The following DLGAP1 variants were observed in gnomAD, a reference collection of about 807,000 sequenced individuals.
DLGAP1 encodes the protein DLG associated protein 1.
In DLGAP1, 11 loss-of-function variants were observed where a neutral mutation model predicts 90.8. That is an observed-to-expected ratio of 0.12 (90% confidence interval 0.08 to 0.20). The LOEUF is 0.20. DLGAP1 is among the 10% of genes least tolerant of loss of function. DLGAP1 has a pLI of 1.00. For synonymous variants in DLGAP1, 558 were observed against 540.7 expected (o/e 1.03, Z -0.44); for missense variants, 1,050 against 1,333.8 (o/e 0.79, Z 3.31).
At chr18:3,677,663 T>C (rs1490103373) in intron 7 of DLGAP1, among the ~76,000 whole-genome samples, 1 of 152,222 alleles carries the variant, frequency 6.6e-6, no homozygotes, top group Admixed American at 6.5e-5. Context: ...TTTTCTTTTT[T>C]CTTTTTTTTA....
At chr18:4,261,250 T>C (rs2078996787) in intron 1 of DLGAP1, among the ~76,000 whole-genome samples, 3 of 152,150 alleles carry the variant, frequency 2.0e-5, no homozygotes, top group Admixed American at 2.0e-4. Flanking sequence ...GCCGTCCAAG[T>C]CGGACTCTAT....
At chr18:4,289,736 A>C (rs2079799588) in intron 1 of DLGAP1, among the ~76,000 whole-genome samples, 1 of 152,182 alleles carries the variant, frequency 6.6e-6, no homozygotes, top group Non-Finnish European at 1.5e-5. Flanking sequence ...TAAATTTTAA[A>C]TTTTTAAGGT....
At chr18:4,393,361 T>G (rs546320224) in intron 1 of DLGAP1, among the ~76,000 whole-genome samples, 1 of 152,236 alleles carries the variant, frequency 6.6e-6, no homozygotes, top group African/African-American at 2.4e-5. Flanking sequence ...GTTTCCCCAT[T>G]TGGTGAACAT....
chr18:3,882,345 G>T (rs2071194586), intron 3 of DLGAP1, among the ~76,000 whole-genome samples: 3 of 151,384 alleles, frequency 2.0e-5, no homozygotes, highest in Admixed American at 2.0e-4. Context: ...GAGACAAGCT[G>T]GGAAACATAG....
intron 4 of DLGAP1, among the ~76,000 whole-genome samples, chr18:3,816,289 G>A (rs2067103697): frequency 6.6e-6 from 1 of 152,164 alleles, no homozygotes; most frequent in African/African-American, 2.4e-5. Context: ...TATGATTTAT[G>A]TCACTTTGAA....
intron 1 of DLGAP1, among the ~76,000 whole-genome samples, chr18:4,217,542 T>C (rs540662496): frequency 1.3e-5 from 2 of 152,170 alleles, no homozygotes; most frequent in Admixed American, 6.6e-5. Flanking sequence ...TGCAGTTCTT[T>C]AATGACAGAT....
At chr18:3,605,887 C>T (rs536274991) in intron 7 of DLGAP1, among the ~76,000 whole-genome samples, 3 of 152,146 alleles carry the variant, frequency 2.0e-5, no homozygotes, top group East Asian at 1.9e-4. Flanking sequence ...AAAAGTTTAC[C>T]GAGGACACTG....
chr18:3,784,485 G>A (rs577385365), intron 5 of DLGAP1, among the ~76,000 whole-genome samples: 2 of 152,134 alleles, frequency 1.3e-5, no homozygotes, highest in Admixed American at 6.5e-5. Flanking sequence ...AAGAATCCTG[G>A]AGAATCTATT....
At chr18:4,408,772 G>A (rs1224744497) in intron 1 of DLGAP1, among the ~76,000 whole-genome samples, 2 of 152,094 alleles carry the variant, frequency 1.3e-5, no homozygotes, top group African/African-American at 4.8e-5. Context: ...ATTGGCAAAG[G>A]TGATTCATTG....
At chr18:3,696,891 T>G (rs565575795) in intron 7 of DLGAP1, among the ~76,000 whole-genome samples, 1 of 152,356 alleles carries the variant, frequency 6.6e-6, no homozygotes, top group South Asian at 2.1e-4. Context: ...ATTGGTCTAT[T>G]CAGGGATTCG....
At chr18:3,808,814 T>C (rs566967655) in intron 5 of DLGAP1, among the ~76,000 whole-genome samples, 1 of 152,050 alleles carries the variant, frequency 6.6e-6, no homozygotes, top group Admixed American at 6.6e-5. Context: ...AAAAAACGTA[T>C]ACAAGATAAA....
chr18:3,999,128 T>C (rs532127782), intron 3 of DLGAP1, among the ~76,000 whole-genome samples: 235 of 152,312 alleles, frequency 1.5e-3, no homozygotes, highest in Middle Eastern at 3.4e-3. Context: ...ATTTTATTTT[T>C]AAATGCTGTG....
In DLGAP1 at chr18:3,508,681, G is replaced by A. The variant is rs187873892; in HGVS notation, c.2480-20C>T. Reference sequence around the variant, plus strand: ...CTAGAACTGGAAAGAGCAAACATACGAGAAATTTACACATCATGCTTCATT... The same window carrying A: ...CTAGAACTGGAAAGAGCAAACATACAAGAAATTTACACATCATGCTTCATT... On this transcript the variant is annotated intron_variant, in intron 10 of 12. Transcript: ENST00000315677. 1,053 of 1,590,342 alleles carry A rather than the reference G, an allele frequency of 6.6e-4. 1 individual carries two copies. Among genetic ancestry groups the A allele is most frequent in the Non-Finnish European group, 8.1e-4 (935 of 1,159,950 alleles).
At chr18:3,941,045 C>T (rs915877927) in intron 3 of DLGAP1, among the ~76,000 whole-genome samples, 23 of 152,076 alleles carry the variant, frequency 1.5e-4, no homozygotes, top group Non-Finnish European at 2.6e-4. Flanking sequence ...GTAAAGAGAG[C>T]CACGAATATA....
At chr18:4,160,796 G>A (rs1459473871) in intron 1 of DLGAP1, among the ~76,000 whole-genome samples, 3 of 151,904 alleles carry the variant, frequency 2.0e-5, no homozygotes, top group Non-Finnish European at 4.4e-5. Context: ...CTTAATATAA[G>A]CCTGTCTGTA....
At chr18:4,398,250 C>G (rs1158506237) in intron 1 of DLGAP1, among the ~76,000 whole-genome samples, 1 of 152,176 alleles carries the variant, frequency 6.6e-6, no homozygotes, top group East Asian at 1.9e-4. Flanking sequence ...AATAGGCAAA[C>G]ATCTAATAGG....
chr18:4,248,465 A>ACTAACTGC (rs1032423779), intron 1 of DLGAP1: 1 of 152,182 alleles, frequency 6.6e-6, no homozygotes, highest in Non-Finnish European at 1.5e-5. Context: ...CTCTACTTTA[A>ACTAACTGC]CTAACTGCCT....
chr18:3,718,904 G>T (rs1260136901), intron 7 of DLGAP1, among the ~76,000 whole-genome samples: 2 of 148,492 alleles, frequency 1.3e-5, no homozygotes, highest in Admixed American at 1.4e-4. Flanking sequence ...CCAGCCTGGG[G>T]GACGAGAGTG....
chr18:3,687,291 T>C (rs936459236), intron 7 of DLGAP1, among the ~76,000 whole-genome samples: 2 of 152,322 alleles, frequency 1.3e-5, no homozygotes, highest in East Asian at 1.9e-4. Context: ...TCAGTTCACT[T>C]TGAGGTGCTT....
Sources: allele counts gnomAD v4.1 joint callset (sites outside exome capture counted in the v4.1 genomes callset), GRCh38; gene constraint gnomAD v4.1.1; transcripts MANE v1.5; gene names NCBI Gene and HGNC (gene_info 2026-07-23, HGNC 2026-07-21).